The following FGGY variants were observed in gnomAD, a reference collection of about 807,000 sequenced individuals.
The protein encoded by FGGY is FGGY carbohydrate kinase domain-containing protein.
Under a neutral mutation model 71.3 loss-of-function variants are expected in FGGY, and 72 were observed. The ratio of observed to expected loss-of-function variants is 1.01; its 90% CI spans 0.84 to 1.23. The LOEUF is 1.23. Ranked by LOEUF, FGGY falls within the 50% of genes most tolerant of loss-of-function variation. The probability of loss-of-function intolerance (pLI) is 0.00; values close to 1 mark genes in which losing one functional copy is unlikely to be tolerated. For missense variants in FGGY, 668 were observed against 682.3 expected (o/e 0.98, Z 0.23); for synonymous variants, 251 against 250.3 (o/e 1.00, Z -0.02).
intron 14 of FGGY, among the ~76,000 whole-genome samples, chr1:59,738,176 G>C (rs566404228): frequency 6.6e-6 from 1 of 152,116 alleles, no homozygotes; most frequent in Non-Finnish European, 1.5e-5. Context: ...TGAAGAAAAC[G>C]TTCTCACAGA....
chr1:59,700,945 A>T (rs749332096), intron 14 of FGGY, among the ~76,000 whole-genome samples: 13 of 152,164 alleles, frequency 8.5e-5, no homozygotes, highest in Non-Finnish European at 1.6e-4. Flanking sequence ...GTGTGAAGGA[A>T]AGCAAAAAAA....
intron 14 of FGGY, among the ~76,000 whole-genome samples, chr1:59,757,660 T>C (rs591512): frequency 0.89 from 135,179 of 152,202 alleles, 60,195 homozygotes; most frequent in East Asian, 1. Context: ...GCTTTGCCTT[T>C]TGGGTTGTTT....
At chr1:59,576,432 G>A (rs949920563) in intron 8 of FGGY, among the ~76,000 whole-genome samples, 1 of 152,092 alleles carries the variant, frequency 6.6e-6, no homozygotes, top group African/African-American at 2.4e-5. Flanking sequence ...GAGAGCATTA[G>A]GACAAATGCC....
chr1:59,465,483 CAT>C (rs1223378856), intron 6 of FGGY, among the ~76,000 whole-genome samples: 1 of 152,162 alleles, frequency 6.6e-6, no homozygotes, highest in African/African-American at 2.4e-5. Flanking sequence ...TCCTATTCAA[CAT>C]AGTGTTGGAA....
chr1:59,366,469 C>G (rs907252248), intron 4 of FGGY, among the ~76,000 whole-genome samples: 2 of 152,098 alleles, frequency 1.3e-5, no homozygotes, highest in African/African-American at 4.8e-5. Context: ...GTCCCAAACC[C>G]TTTCCCCGCT....
chr1:59,452,093 T>A (rs888467101), intron 5 of FGGY, among the ~76,000 whole-genome samples: 3 of 151,132 alleles, frequency 2.0e-5, no homozygotes, highest in Admixed American at 6.6e-5. Flanking sequence ...TTTTTTTTTT[T>A]ATTCCTTTTC....
chr1:59,409,997 A>G (rs573551676), intron 5 of FGGY, among the ~76,000 whole-genome samples: 21 of 152,288 alleles, frequency 1.4e-4, no homozygotes, highest in Admixed American at 1.4e-3. Flanking sequence ...AGGTGACACC[A>G]GGATTTGAGC....
intron 8 of FGGY, among the ~76,000 whole-genome samples, chr1:59,591,545 A>C (rs935390101): frequency 3.3e-5 from 5 of 152,214 alleles, no homozygotes; most frequent in Admixed American, 3.3e-4. Flanking sequence ...ACTATACTAC[A>C]AGGCTACAGT....
At chr1:59,557,197 C>CT (rs780624071) in intron 8 of FGGY, among the ~76,000 whole-genome samples, 6 of 152,052 alleles carry the variant, frequency 3.9e-5, no homozygotes, top group Non-Finnish European at 8.8e-5. Context: ...GCAAATAAAA[C>CT]CGCCACTGTG....
chr1:59,457,048 C>T lies in FGGY; in HGVS notation c.642C>T (p.Asp214=), dbSNP rs756081522. The T allele has an allele frequency of 6.2e-7, 1 of 1,613,828 alleles. No individual in the cohort carries two copies. Among genetic ancestry groups the T allele is most frequent in the Non-Finnish European group, 8.5e-7 (1 of 1,179,758 alleles). ...DSFWKMIGLE[D]FVADNYSKIG... ...TCTGGAAAATGATTGGTTTGGAAGACTTTGTTGCAGATAATTACAGCAAAA... is the reference window on the plus strand; with the variant it reads ...TCTGGAAAATGATTGGTTTGGAAGATTTTGTTGCAGATAATTACAGCAAAA... Residue 214 remains aspartate, a synonymous_variant, in exon 6 of 16, where the codon GAC becomes GAT. Transcript: ENST00000303721.
chr1:59,376,678 C>G (rs1479197383), intron 4 of FGGY, among the ~76,000 whole-genome samples: 1 of 152,148 alleles, frequency 6.6e-6, no homozygotes, highest in Non-Finnish European at 1.5e-5. Flanking sequence ...TGAGTTCCTA[C>G]TGTGTGTTAC....
intron 14 of FGGY, among the ~76,000 whole-genome samples, chr1:59,721,540 G>A: frequency 6.6e-6 from 1 of 151,840 alleles, no homozygotes; most frequent in East Asian, 1.9e-4. Flanking sequence ...GTTTCACCAT[G>A]TTGGTCAGGC....
chr1:59,462,040 T>C (rs1373822954), intron 6 of FGGY, among the ~76,000 whole-genome samples: 1 of 146,592 alleles, frequency 6.8e-6, no homozygotes, highest in Non-Finnish European at 1.5e-5. Flanking sequence ...TGTGTTCTCA[T>C]TGTTCAATTC....
At chr1:59,751,316 G>T (rs1296961769) in intron 14 of FGGY, among the ~76,000 whole-genome samples, 1 of 152,142 alleles carries the variant, frequency 6.6e-6, no homozygotes, top group Admixed American at 6.6e-5. Context: ...CAGTAAAATG[G>T]CAATGGCAGT....
intron 14 of FGGY, among the ~76,000 whole-genome samples, chr1:59,752,091 G>A (rs1470461475): frequency 6.6e-6 from 1 of 152,146 alleles, no homozygotes; most frequent in Non-Finnish European, 1.5e-5. Context: ...CTGATAAATT[G>A]TCTAGTAACA....
intron 6 of FGGY, among the ~76,000 whole-genome samples, chr1:59,507,953 C>G (rs914477490): frequency 1.3e-5 from 2 of 152,138 alleles, no homozygotes; most frequent in African/African-American, 4.8e-5. Context: ...TGTTCCAGTT[C>G]TCTGTTCCTC....
intron 11 of FGGY, among the ~76,000 whole-genome samples, chr1:59,658,948 G>A (rs540091688): frequency 6.6e-5 from 10 of 152,316 alleles, no homozygotes; most frequent in Admixed American, 2.0e-4. Context: ...CTGGCCAGGC[G>A]CAGTGGTTCA....
chr1:59,313,042 A>G (rs182823151), intron 1 of FGGY, among the ~76,000 whole-genome samples: 1 of 152,212 alleles, frequency 6.6e-6, no homozygotes, highest in Non-Finnish European at 1.5e-5. Context: ...ACCCTGAAAA[A>G]TACTGAGTTT....
At chr1:59,505,175 G>A (rs1449076341) in intron 6 of FGGY, among the ~76,000 whole-genome samples, 2 of 152,152 alleles carry the variant, frequency 1.3e-5, no homozygotes, top group Non-Finnish European at 2.9e-5. Flanking sequence ...AATTGCATAG[G>A]TGTCTACAAG....
Sources: allele counts gnomAD v4.1 joint callset (sites outside exome capture counted in the v4.1 genomes callset), GRCh38; gene constraint gnomAD v4.1.1; transcripts MANE v1.5; gene names NCBI Gene and HGNC (gene_info 2026-07-23, HGNC 2026-07-21).